PSG6: variants seen among roughly 807,000 people sequenced by gnomAD.
The protein encoded by PSG6 is pregnancy-specific beta-1-glycoprotein 6.
PSG6 carries 51 observed loss-of-function variants against 43.3 expected under a neutral mutation model. The observed-to-expected ratio is 1.18, with a 90% CI of 0.94 to 1.49. The LOEUF (loss-of-function observed/expected upper bound fraction) is 1.49, where lower values mean the gene tolerates loss of function less well. PSG6 is among the 40% of genes most tolerant of loss of function. PSG6 has a pLI of 0.00. For synonymous variants in PSG6, 292 were observed against 197.6 expected (o/e 1.48, Z -4.01); for missense variants, 770 against 522.2 (o/e 1.47, Z -4.62).
intron 5 of PSG6, chr19:42,906,690 A>T (rs1063015): frequency 6.9e-7 from 1 of 1,449,550 alleles, no homozygotes; most frequent in East Asian, 2.5e-5. Context: ...GGGCTGATAA[A>T]GCCCCCTCCC....
Position 42,908,718 on chromosome 19 carries a change from A to G in PSG6, c.707-864T>C, listed in dbSNP as rs565931695. Among the ~76,000 whole-genome samples, 69 of 151,884 alleles carry G rather than the reference A, an allele frequency of 4.5e-4. 2 individuals carry two copies. The highest frequency in any genetic ancestry group is 2.5e-3 in the Admixed American group (38 of 15,214). On this transcript the variant is annotated intron_variant, in intron 3 of 5. Coordinates refer to ENST00000187910, the MANE Select transcript of PSG6 (RefSeq NM_001031850.4). ...GGTGGGAATGAACTGCTGGAAATCT[A>G]GTCCTCATGGACCATGTGTGTTTGA...
rs777409564 is a variant in PSG6, at chr19:42,910,759, C to T, written c.527G>A (p.Ser176Asn). The change falls in exon 3 of 6, where the codon AGC (serine) becomes AAC (asparagine). Residue 176 changes from serine to asparagine, a missense_variant. By Grantham distance (46) the Ser-to-Asn change is conservative. Transcript: ENST00000187910. Reference sequence around the variant, plus strand: ...CTGACCATTCAGCAACCACAGGTAGCTTGCATCCGGAGTCTCAGGATCACA... The same window carrying T: ...CTGACCATTCAGCAACCACAGGTAGTTTGCATCCGGAGTCTCAGGATCACA... ...LICDPETPDA[S>N]YLWLLNGQNL... 6.2e-7 allele frequency: 1 copy of T among 1,612,372 alleles called. No individual in the cohort carries two copies.
chr19:42,907,783 T>A lies in PSG6; in HGVS notation c.778A>T (p.Thr260Ser), dbSNP rs750358085. 19 of 1,611,014 alleles carry A rather than the reference T, an allele frequency of 1.2e-5. No homozygotes were observed. The highest frequency in any genetic ancestry group is 5.4e-5 in the African/African-American group (4 of 74,696). Residue 260 changes from threonine to serine, a missense_variant, in exon 4 of 6, where the codon ACC becomes TCC. Transcript: ENST00000187910. ...PREKKDVLAFTCEPKSRNYTY... is the reference protein window; with the variant it reads ...PREKKDVLAFSCEPKSRNYTY... ...TAGTTCCGACTCTTAGGTTCACAGGTGAAGGCTAACACATCCTTCTTCTCC... is the reference window on the plus strand; with the variant it reads ...TAGTTCCGACTCTTAGGTTCACAGGAGAAGGCTAACACATCCTTCTTCTCC...
chr19:42,910,921 TTCAA>T, intron 2 of PSG6, 63 bp from the exon 3 acceptor site: 2 of 1,541,354 alleles, frequency 1.3e-6, no homozygotes, highest in Non-Finnish European at 1.7e-6. Flanking sequence ...AAAGGCATTT[TTCAA>T]TCAGAGTTGG....
At chr19:42,907,305 G>GT (rs1972133513) in intron 4 of PSG6, 129 bp from the exon 5 acceptor site, 10 of 1,487,966 alleles carry the variant, frequency 6.7e-6, no homozygotes, top group Non-Finnish European at 9.0e-6. Flanking sequence ...TCCCATCTAT[G>GT]TTTACTAAGC....
chr19:42,909,790 G>A lies in PSG6; in HGVS notation c.706+790C>T, dbSNP rs987616663. The A allele has an allele frequency of 1.1e-4, 16 of 151,766 alleles. 1 individual carries two copies. Among genetic ancestry groups the A allele is most frequent in the African/African-American group, 3.9e-4 (16 of 41,258 alleles). The allele number at this position is 151,766 out of a possible 1,614,324, so 9.4% of individuals were successfully genotyped here. A position where few individuals can be genotyped will look rare whatever the true frequency, so the allele number is the denominator to read the frequency against. On this transcript the variant is annotated intron_variant, in intron 3 of 5. Transcript: ENST00000187910. ...ACAGGCAGAAGCTGGTGGTTTTGGA[G>A]CAGAAACATATTCCCTTTCCTGGGT...
chr19:42,906,238 G>A (rs1972109276), intron 5 of PSG6, among the ~76,000 whole-genome samples: 1 of 151,592 alleles, frequency 6.6e-6, no homozygotes, highest in Non-Finnish European at 1.5e-5. Flanking sequence ...TGACTTCAGA[G>A]CCAGGATGCA....
chr19:42,903,863 A>C (rs2122615879), intron 5 of PSG6: 2 of 1,138,050 alleles, frequency 1.8e-6, no homozygotes, highest in East Asian at 6.3e-5. Flanking sequence ...ACTGTATTCC[A>C]TCCTAGGGTG....
Position 42,907,745 on chromosome 19 carries a change from C to T in PSG6, c.816G>A (p.Trp272Ter), listed in dbSNP as rs771232910. ...EPKSRNYTYIWWLNGQSLPVS... is the reference protein window; with the variant it reads ...EPKSRNYTYI ...CCGGGAGGCTCTGACCATTTAGCCA[C>T]CAAATGTAGGTGTAGTTCCGACTCT... Residue 272 changes from tryptophan to a stop codon, truncating the protein, a stop_gained, in exon 4 of 6, where the codon TGG becomes TGA. Transcript: ENST00000187910. LOFTEE classifies it high-confidence loss of function. The T allele has an allele frequency of 4.3e-6, 7 of 1,610,832 alleles. 1 individual carries two copies. The highest frequency in any genetic ancestry group is 5.9e-6 in the Non-Finnish European group (7 of 1,179,104).
At chr19:42,914,673 C>A (rs112211222) in intron 2 of PSG6, among the ~76,000 whole-genome samples, 13 of 151,472 alleles carry the variant, frequency 8.6e-5, no homozygotes, top group East Asian at 3.9e-4. Flanking sequence ...GTGGCTAGAA[C>A]CTCCTAGGAT....
At chr19:42,913,335 A>G (rs1010655136) in intron 2 of PSG6, among the ~76,000 whole-genome samples, 4 of 151,564 alleles carry the variant, frequency 2.6e-5, no homozygotes, top group African/African-American at 9.7e-5. Flanking sequence ...TATTTTTAGT[A>G]GAGACGGGGT....
chr19:42,902,257 A>C lies in PSG6; in HGVS notation c.*155T>G. On this transcript the variant is annotated 3_prime_UTR_variant, in exon 6 of 6. Coordinates refer to ENST00000187910, the MANE Select transcript of PSG6 (RefSeq NM_001031850.4). ...AGTTCATAAATCTGGAGAATAAAAC[A>C]TTCCAAGAATCAGCACATTTTCCAA... 1 of 1,010,572 alleles carries C rather than the reference A, an allele frequency of 9.9e-7. No individual in the cohort carries two copies. The allele number at this position is 1,010,572 out of a possible 1,614,324, so 62.6% of individuals were successfully genotyped here.
At chr19:42,915,180 G>A (rs1410061899) in intron 2 of PSG6, 2 of 151,662 alleles carry the variant, frequency 1.3e-5, no homozygotes, top group East Asian at 1.9e-4. Flanking sequence ...TGTGACTGTG[G>A]CTCAGTGACT....
At chr19:42,917,428 G>A (rs1373680648) in intron 1 of PSG6, among the ~76,000 whole-genome samples, 20 of 140,160 alleles carry the variant, frequency 1.4e-4, no homozygotes, top group Admixed American at 6.0e-4. Flanking sequence ...CAGTGGTGCT[G>A]TCTCGGCTAG....
Position 42,906,880 on chromosome 19 carries a change from C to G in PSG6, c.1240+42G>C, listed in dbSNP as rs761422359. ...CTCTTCTCTGAAAGCCAGATAGACTCCACCTAAAACCCTATTGCCAAGGAT... is the reference window on the plus strand; with the variant it reads ...CTCTTCTCTGAAAGCCAGATAGACTGCACCTAAAACCCTATTGCCAAGGAT... On this transcript the variant is annotated intron_variant, in intron 5 of 5. Transcript: ENST00000187910. 1.7e-5 allele frequency: 27 copies of G among 1,611,562 alleles called. 2 individuals are homozygous for G. The highest frequency in any genetic ancestry group is 5.0e-5 in the Admixed American group (3 of 59,822).
rs1332082914 is a variant in PSG6 at position 42,907,699 on chromosome 19, G to T, written c.862C>A (p.Pro288Thr). 9 of 1,610,836 alleles carry T rather than the reference G, an allele frequency of 5.6e-6. No homozygotes were observed. The highest frequency in any genetic ancestry group is 7.6e-6 in the Non-Finnish European group (9 of 1,179,084). Residue 288 changes from proline to threonine, a missense_variant, in exon 4 of 6, where the codon CCC becomes ACC. Transcript: ENST00000187910. The part of the protein sequence containing the change: ...SLPVSPRVKR[P>T]IENRILILPS... ...AGAATGAGTATCCTGTTTTCAATGGGTCGCTTTACCCTCGGACTGACCGGG... is the reference window on the plus strand; with the variant it reads ...AGAATGAGTATCCTGTTTTCAATGGTTCGCTTTACCCTCGGACTGACCGGG...
In PSG6 at chr19:42,912,789, C is replaced by T. The variant is rs183290458; in HGVS notation, c.428-1931G>A. Among the ~76,000 whole-genome samples, 60 of 151,690 alleles carry T rather than the reference C, an allele frequency of 4.0e-4. 1 individual carries two copies. The highest frequency in any genetic ancestry group is 1.3e-3 in the African/African-American group (53 of 41,378). ...CCAATGGCTCTTGTGTCTCCCCACA[C>T]GAAGAACTCCAACTTATGAAAACGG... On this transcript the variant is annotated intron_variant, in intron 2 of 5. Transcript: ENST00000187910.
At chr19:42,907,525 G>C (rs769666543) in intron 4 of PSG6, 51 bp downstream of exon 4, 9 of 1,605,354 alleles carry the variant, frequency 5.6e-6, no homozygotes, top group Non-Finnish European at 7.7e-6. Context: ...GCCTCTGGTC[G>C]TTTGGAGTTA....
chr19:42,913,092 A>G (rs1380327088), intron 2 of PSG6, among the ~76,000 whole-genome samples: 1 of 151,648 alleles, frequency 6.6e-6, no homozygotes, highest in Non-Finnish European at 1.5e-5. Context: ...TTCTCAAGCT[A>G]GGGATTCTTT....
Sources: allele counts gnomAD v4.1 joint callset (sites outside exome capture counted in the v4.1 genomes callset), GRCh38; gene constraint gnomAD v4.1.1; transcripts MANE v1.5; gene names NCBI Gene and HGNC (gene_info 2026-07-23, HGNC 2026-07-21).